STARD13: variants seen among roughly 807,000 people sequenced by gnomAD.
STARD13 encodes stAR-related lipid transfer protein 13.
A neutral mutation model predicts 106.4 loss-of-function variants in STARD13; 62 were observed. The ratio of observed to expected loss-of-function variants is 0.58; its 90% CI spans 0.48 to 0.72. The LOEUF (loss-of-function observed/expected upper bound fraction) is 0.72, where lower values mean the gene tolerates loss of function less well. Among genes scored for constraint, STARD13 ranks in the 30% least tolerant of loss-of-function variants. The probability of loss-of-function intolerance (pLI) is 0.00; values close to 1 mark genes in which losing one functional copy is unlikely to be tolerated. For missense variants in STARD13, 1,387 were observed against 1,424.0 expected (o/e 0.97, Z 0.42); for synonymous variants, 565 against 553.0 (o/e 1.02, Z -0.31).
the STARD13 span, among the ~76,000 whole-genome samples, chr13:33,552,479 G>C: frequency 6.6e-6 from 1 of 152,124 alleles, no homozygotes; most frequent in African/African-American, 2.4e-5. Flanking sequence ...ACCAACAGAA[G>C]GTAAAATCCT....
chr13:33,410,921 G>T, the STARD13 span, among the ~76,000 whole-genome samples: 3,286 of 152,248 alleles, frequency 0.022, 117 homozygotes, highest in African/African-American at 0.075. Flanking sequence ...TCATTATAAT[G>T]TCTAGAAATT....
chr13:33,125,938 C>A (rs200259770), intron 7 of STARD13, 143 bp downstream of exon 7: 1 of 532,992 alleles, frequency 1.9e-6, no homozygotes, highest in Non-Finnish European at 3.2e-6. Context: ...TTAAATATTG[C>A]TACATAAAGG....
At chr13:33,543,335 T>G in the STARD13 span, among the ~76,000 whole-genome samples, 1 of 152,200 alleles carries the variant, frequency 6.6e-6, no homozygotes, top group Non-Finnish European at 1.5e-5. Context: ...AGTAATTTGC[T>G]TTAAAATAGG....
chr13:33,403,171 C>A, the STARD13 span, among the ~76,000 whole-genome samples: 1 of 152,236 alleles, frequency 6.6e-6, no homozygotes, highest in African/African-American at 2.4e-5. Context: ...TGCCCATCTG[C>A]GTGTTCCCCC....
At chr13:33,525,080 G>A in the STARD13 span, among the ~76,000 whole-genome samples, 1 of 151,824 alleles carries the variant, frequency 6.6e-6, no homozygotes. Context: ...GGAGTGCGGT[G>A]GCATGATCAT....
intron 1 of STARD13, among the ~76,000 whole-genome samples, chr13:33,296,317 C>T (rs534190783): frequency 3.3e-5 from 5 of 152,148 alleles, no homozygotes; most frequent in African/African-American, 7.2e-5. Flanking sequence ...GACATCATCA[C>T]GCAATGTATC....
chr13:33,534,898 T>A, the STARD13 span, among the ~76,000 whole-genome samples: 3 of 152,172 alleles, frequency 2.0e-5, no homozygotes, highest in African/African-American at 7.2e-5. Context: ...TGAAAGAAGA[T>A]GTTATGTCCA....
At chr13:33,171,520 C>A (rs797225) in intron 1 of STARD13, among the ~76,000 whole-genome samples, 53,901 of 152,112 alleles carry the variant, frequency 0.35, 9,750 homozygotes, top group Non-Finnish European at 0.4. Flanking sequence ...GATAACGGAA[C>A]CTCTTTCTGC....
intron 1 of STARD13, among the ~76,000 whole-genome samples, chr13:33,197,508 T>C (rs1036037294): frequency 1.3e-5 from 2 of 152,088 alleles, no homozygotes; most frequent in African/African-American, 2.4e-5. Context: ...AGTGGGCTTA[T>C]TGTCAGAGTT....
the STARD13 span, among the ~76,000 whole-genome samples, chr13:33,517,728 G>A: frequency 2.6e-5 from 4 of 152,076 alleles, no homozygotes; most frequent in Non-Finnish European, 4.4e-5. Flanking sequence ...TTTTCCAAGC[G>A]TTTGCCATCA....
chr13:33,276,624 T>C (rs1039342195), intron 1 of STARD13: 2 of 152,184 alleles, frequency 1.3e-5, no homozygotes, highest in African/African-American at 2.4e-5. Context: ...CTCATAGAGA[T>C]TGAATACTAA....
At chr13:33,616,113 A>G in the STARD13 span, among the ~76,000 whole-genome samples, 1 of 152,010 alleles carries the variant, frequency 6.6e-6, no homozygotes, top group African/African-American at 2.4e-5. Context: ...TGCTTAAAAA[A>G]GAAAAAGGAG....
intron 1 of STARD13, among the ~76,000 whole-genome samples, chr13:33,282,353 G>A (rs1209254527): frequency 6.6e-6 from 1 of 152,158 alleles, no homozygotes; most frequent in African/African-American, 2.4e-5. Context: ...CCTAAGATGA[G>A]CAAGTTTAGA....
intron 1 of STARD13, among the ~76,000 whole-genome samples, chr13:33,185,164 T>C (rs1234514881): frequency 1.3e-5 from 2 of 152,208 alleles, no homozygotes; most frequent in Admixed American, 6.5e-5. Context: ...AAATTCTGAC[T>C]GCACTCTAGA....
chr13:33,254,226 G>A (rs58730488), intron 1 of STARD13, among the ~76,000 whole-genome samples: 2,081 of 152,284 alleles, frequency 0.014, 43 homozygotes, highest in African/African-American at 0.047. Flanking sequence ...TCAAGTCAGC[G>A]GCAAAGAGGA....
chr13:33,401,729 A>C, the STARD13 span, among the ~76,000 whole-genome samples: 132 of 152,298 alleles, frequency 8.7e-4, no homozygotes, highest in African/African-American at 3.0e-3. Flanking sequence ...TTGCAAATTT[A>C]CTTTCATCTT....
the STARD13 span, among the ~76,000 whole-genome samples, chr13:33,367,378 A>C: frequency 2.0e-5 from 3 of 152,332 alleles, no homozygotes; most frequent in East Asian, 5.8e-4. Context: ...TTAAACAGTT[A>C]ATCAATGACA....
At chr13:33,193,374 A>T (rs1886389389) in intron 1 of STARD13, among the ~76,000 whole-genome samples, 2 of 152,242 alleles carry the variant, frequency 1.3e-5, no homozygotes, top group Admixed American at 6.5e-5. Flanking sequence ...ATTTCCAGTC[A>T]GAATGGTCTT....
intron 7 of STARD13, 23 bp downstream of exon 7, chr13:33,126,058 C>G (rs777692460): frequency 6.2e-7 from 1 of 1,610,668 alleles, no homozygotes; most frequent in African/African-American, 1.3e-5. Flanking sequence ...GGTGGGGCAG[C>G]AGCGGGGGGG....
Sources: allele counts gnomAD v4.1 joint callset (sites outside exome capture counted in the v4.1 genomes callset), GRCh38; gene constraint gnomAD v4.1.1; transcripts MANE v1.5; gene names NCBI Gene and HGNC (gene_info 2026-07-23, HGNC 2026-07-21).